PRKCE: variants seen among roughly 807,000 people sequenced by gnomAD.
The protein encoded by PRKCE is protein kinase C epsilon, also known as protein kinase C epsilon type.
Under a neutral mutation model 85.4 loss-of-function variants are expected in PRKCE, and 16 were observed. The observed-to-expected ratio is 0.19, with a 90% CI of 0.13 to 0.28. The LOEUF (loss-of-function observed/expected upper bound fraction) is 0.28, where lower values mean the gene tolerates loss of function less well. Among genes scored for constraint, PRKCE ranks in the 10% least tolerant of loss-of-function variants. PRKCE has a pLI of 1.00. For missense variants in PRKCE, 573 were observed against 975.2 expected (o/e 0.59, Z 5.49); for synonymous variants, 388 against 371.5 (o/e 1.04, Z -0.51).
intron 11 of PRKCE, among the ~76,000 whole-genome samples, chr2:46,092,521 C>T (rs1220005984): frequency 1.3e-5 from 2 of 152,140 alleles, no homozygotes; most frequent in Non-Finnish European, 2.9e-5. Flanking sequence ...AAGGGCTTTC[C>T]TTGTTGACCA....
In PRKCE at chr2:46,171,579, C is replaced by T. The variant is rs563513148; in HGVS notation, c.2067+11827C>T. ...AGAACAAGCTGATTCCAAGTCCTGA[C>T]CCCACCTCTTGCCCAGCCTGCCTGT... On this transcript the variant is annotated intron_variant, in intron 14 of 14. Coordinates refer to ENST00000306156, the MANE Select transcript of PRKCE (RefSeq NM_005400.3). Among the ~76,000 whole-genome samples, 36 of 152,306 alleles carry T rather than the reference C, an allele frequency of 2.4e-4. 1 individual carries two copies. In the South Asian group the frequency reaches 7.0e-3, roughly 30 times the overall value.
intron 10 of PRKCE, among the ~76,000 whole-genome samples, chr2:46,075,967 G>A (rs941247268): frequency 2.0e-5 from 3 of 152,160 alleles, no homozygotes; most frequent in East Asian, 1.9e-4. Context: ...CATGCCCCAC[G>A]AATGGCAATT....
intron 2 of PRKCE, chr2:45,845,641 G>A (rs1394506764): frequency 6.6e-6 from 1 of 152,172 alleles, no homozygotes; most frequent in African/African-American, 2.4e-5. Flanking sequence ...CTTCTTCTAG[G>A]ATGCGCCGAA....
intron 2 of PRKCE, among the ~76,000 whole-genome samples, chr2:45,919,482 G>C (rs975388207): frequency 1.3e-5 from 2 of 152,240 alleles, no homozygotes; most frequent in Non-Finnish European, 1.5e-5. Context: ...TTTATGCCTT[G>C]TCTTGGGGTT....
At chr2:45,937,739 C>G (rs1699576316) in intron 2 of PRKCE, among the ~76,000 whole-genome samples, 1 of 151,992 alleles carries the variant, frequency 6.6e-6, no homozygotes. Context: ...AGAAAGAAAA[C>G]TTGTAGGTAT....
At chr2:46,102,084 C>T (rs1671296830) in intron 11 of PRKCE, among the ~76,000 whole-genome samples, 1 of 152,118 alleles carries the variant, frequency 6.6e-6, no homozygotes, top group Admixed American at 6.5e-5. Context: ...ATTCTGTGTT[C>T]AGTCACATTC....
At chr2:46,134,779 T>C (rs894470297) in intron 11 of PRKCE, among the ~76,000 whole-genome samples, 1 of 152,246 alleles carries the variant, frequency 6.6e-6, no homozygotes, top group African/African-American at 2.4e-5. Context: ...ATGACCAAGT[T>C]GATTGGCCTG....
At chr2:45,961,394 G>A (rs563459282) in intron 2 of PRKCE, among the ~76,000 whole-genome samples, 2 of 152,330 alleles carry the variant, frequency 1.3e-5, no homozygotes, top group South Asian at 4.1e-4. Flanking sequence ...GCTGAAGATA[G>A]TAATCAAGAT....
chr2:46,130,509 G>A (rs887974246), intron 11 of PRKCE, among the ~76,000 whole-genome samples: 2 of 152,162 alleles, frequency 1.3e-5, no homozygotes, highest in Non-Finnish European at 2.9e-5. Context: ...TTTCACTGAA[G>A]TTTCAATTTT....
intron 10 of PRKCE, among the ~76,000 whole-genome samples, chr2:46,060,415 G>T (rs12989656): frequency 0.2 from 29,667 of 152,102 alleles, 3,384 homozygotes; most frequent in Non-Finnish European, 0.26. Context: ...GACACCGGAG[G>T]CAGGCAAAGC....
chr2:45,868,978 A>T (rs1010260443), intron 2 of PRKCE, among the ~76,000 whole-genome samples: 1 of 151,466 alleles, frequency 6.6e-6, no homozygotes, highest in African/African-American at 2.4e-5. Context: ...AAAAAAGAAA[A>T]AAGAAAGAAA....
intron 10 of PRKCE, among the ~76,000 whole-genome samples, chr2:46,046,084 A>G (rs1470717352): frequency 2.0e-5 from 3 of 152,168 alleles, no homozygotes; most frequent in Admixed American, 1.3e-4. Flanking sequence ...CTGATGGTAA[A>G]TGAAATAACT....
intron 2 of PRKCE, among the ~76,000 whole-genome samples, chr2:45,946,864 C>A (rs566790125): frequency 3.9e-4 from 60 of 152,356 alleles, no homozygotes; most frequent in African/African-American, 1.3e-3. Context: ...GGGTCAACTC[C>A]TATTAACTGT....
At chr2:45,743,213 A>T (rs1338829055) in intron 1 of PRKCE, among the ~76,000 whole-genome samples, 4 of 152,146 alleles carry the variant, frequency 2.6e-5, no homozygotes. Flanking sequence ...ACTGCAGTTA[A>T]TAATAATGTG....
At chr2:45,966,173 G>A (rs899788093) in intron 2 of PRKCE, among the ~76,000 whole-genome samples, 12 of 152,100 alleles carry the variant, frequency 7.9e-5, no homozygotes, top group Admixed American at 2.0e-4. Context: ...ACCTCTTTGT[G>A]CCAAAAGTAA....
chr2:46,024,306 AT>A lies in PRKCE; in HGVS notation c.1437+13805del, dbSNP rs34612971. Among the ~76,000 whole-genome samples, 851 of 139,186 alleles carry A rather than the reference AT, an allele frequency of 6.1e-3. 2 individuals are homozygous for A. Among genetic ancestry groups the A allele is most frequent in the Admixed American group, 8.9e-3 (124 of 13,992 alleles). 91.3% of individuals were successfully genotyped at this position (139,186 alleles called of 152,430 possible). A position where few individuals can be genotyped will look rare whatever the true frequency, so the allele number is the denominator to read the frequency against. ...ACCCTCTGCTTCCTGTTATGAGGAC[AT>A]TTTTTTTTTTTTTTTGCAGAGGCAA... On this transcript the variant is annotated intron_variant, in intron 10 of 14. Transcript: ENST00000306156.
intron 2 of PRKCE, among the ~76,000 whole-genome samples, chr2:45,944,374 G>A (rs138930147): frequency 9.9e-4 from 151 of 152,238 alleles, no homozygotes; most frequent in African/African-American, 3.3e-3. Context: ...TAGTATCTAA[G>A]GCACAGCTCA....
chr2:45,748,366 G>A (rs570936821), intron 1 of PRKCE, among the ~76,000 whole-genome samples: 1 of 152,234 alleles, frequency 6.6e-6, no homozygotes, highest in African/African-American at 2.4e-5. Flanking sequence ...AAGCCTGCCT[G>A]ACTCCCCACG....
chr2:45,988,642 C>T (rs1703540421), intron 6 of PRKCE, among the ~76,000 whole-genome samples: 1 of 152,148 alleles, frequency 6.6e-6, no homozygotes, highest in African/African-American at 2.4e-5. Flanking sequence ...AGTGAGCAGG[C>T]AAAATAGTTC....
Sources: allele counts gnomAD v4.1 joint callset (sites outside exome capture counted in the v4.1 genomes callset), GRCh38; gene constraint gnomAD v4.1.1; transcripts MANE v1.5; gene names NCBI Gene and HGNC (gene_info 2026-07-23, HGNC 2026-07-21).